Variants in RARB observed in about 807,000 individuals in gnomAD.
RARB encodes HBV-activated protein.
In RARB, 17 loss-of-function variants were observed where a neutral mutation model predicts 51.9. That is an observed-to-expected ratio of 0.33 (90% CI 0.22 to 0.49). The LOEUF is 0.49. RARB is among the 20% of genes least tolerant of loss of function. RARB has a pLI of 0.99. For missense variants in RARB, 369 were observed against 550.8 expected (o/e 0.67, Z 3.30); for synonymous variants, 215 against 195.4 (o/e 1.10, Z -0.84).
chr3:25,159,586 T>C (rs1700442395), intron 4 of RARB, among the ~76,000 whole-genome samples: 1 of 152,210 alleles, frequency 6.6e-6, no homozygotes. Context: ...TGATTTCTTA[T>C]ATGATCGTAC....
chr3:25,469,308 C>T (rs922527509), intron 2 of RARB, among the ~76,000 whole-genome samples: 1 of 152,160 alleles, frequency 6.6e-6, no homozygotes, highest in African/African-American at 2.4e-5. Context: ...TGACCAAGGC[C>T]ATTTAAAACC....
At chr3:25,029,560 CCTT>C (rs1697826287) in intron 2 of RARB, among the ~76,000 whole-genome samples, 1 of 152,124 alleles carries the variant, frequency 6.6e-6, no homozygotes, top group Admixed American at 6.5e-5. Context: ...CACTGATGAG[CCTT>C]CTTAGCTTTT....
chr3:25,170,222 T>C (rs2125351073), intron 4 of RARB, among the ~76,000 whole-genome samples: 1 of 152,296 alleles, frequency 6.6e-6, no homozygotes, highest in South Asian at 2.1e-4. Context: ...GCTGCTTTTG[T>C]GCCAAATTAG....
At chr3:25,308,787 T>C (rs1396864017) in intron 5 of RARB, among the ~76,000 whole-genome samples, 2 of 152,274 alleles carry the variant, frequency 1.3e-5, no homozygotes, top group South Asian at 4.1e-4. Flanking sequence ...TATTCCAATT[T>C]ACTTTTTTTG....
At chr3:24,992,757 A>T (rs1339349630) in intron 2 of RARB, among the ~76,000 whole-genome samples, 2 of 152,040 alleles carry the variant, frequency 1.3e-5, no homozygotes, top group Non-Finnish European at 2.9e-5. Flanking sequence ...CACCAGTCAG[A>T]TCCATTAGCG....
intron 2 of RARB, among the ~76,000 whole-genome samples, chr3:25,008,998 CA>C (rs1697336748): frequency 6.6e-6 from 1 of 152,106 alleles, no homozygotes; most frequent in Admixed American, 6.6e-5. Context: ...AAGTTAAAAG[CA>C]ATGAAATGAA....
chr3:25,078,138 T>C (rs1431226281), intron 3 of RARB, among the ~76,000 whole-genome samples: 3 of 152,190 alleles, frequency 2.0e-5, no homozygotes, highest in Admixed American at 6.5e-5. Context: ...AGAAGTTTTT[T>C]AATTTAATGA....
intron 3 of RARB, among the ~76,000 whole-genome samples, chr3:25,554,636 C>T (rs1699981879): frequency 6.6e-6 from 1 of 152,198 alleles, no homozygotes; most frequent in East Asian, 1.9e-4. Context: ...TCAACACCTC[C>T]AGTAACCCTC....
At chr3:25,212,721 A>T (rs888066461) in intron 5 of RARB, among the ~76,000 whole-genome samples, 1 of 151,432 alleles carries the variant, frequency 6.6e-6, no homozygotes, top group African/African-American at 2.4e-5. Context: ...TCTCCATCTG[A>T]TGCTATTTCC....
chr3:25,322,417 ATTGAC>A (rs1219310173), intron 5 of RARB, among the ~76,000 whole-genome samples: 3 of 152,220 alleles, frequency 2.0e-5, no homozygotes, highest in Non-Finnish European at 2.9e-5. Context: ...AAAGTAAAAT[ATTGAC>A]TTGACCACAA....
intron 5 of RARB, among the ~76,000 whole-genome samples, chr3:25,235,083 T>C (rs1702272349): frequency 6.6e-6 from 1 of 152,208 alleles, no homozygotes; most frequent in Non-Finnish European, 1.5e-5. Flanking sequence ...TTACTGTGCA[T>C]GATCACTACA....
intron 5 of RARB, among the ~76,000 whole-genome samples, chr3:25,341,657 A>G (rs1042852165): frequency 2.6e-5 from 4 of 152,110 alleles, no homozygotes; most frequent in Non-Finnish European, 4.4e-5. Context: ...CCCCAGGGAT[A>G]TTTGACTATG....
intron 5 of RARB, among the ~76,000 whole-genome samples, chr3:25,227,684 T>C (rs1702086650): frequency 6.6e-6 from 1 of 152,156 alleles, no homozygotes; most frequent in Non-Finnish European, 1.5e-5. Context: ...ATGGCATTTA[T>C]ACTCTTTTAT....
chr3:24,983,568 G>GC (rs1696721977), intron 2 of RARB, among the ~76,000 whole-genome samples: 1 of 152,030 alleles, frequency 6.6e-6, no homozygotes, highest in African/African-American at 2.4e-5. Flanking sequence ...GGTGTGTGGT[G>GC]CTCCCCTCCC....
At chr3:25,025,383 ATT>A (rs1210949888) in intron 2 of RARB, among the ~76,000 whole-genome samples, 4 of 152,296 alleles carry the variant, frequency 2.6e-5, no homozygotes, top group East Asian at 3.9e-4. Context: ...TAATGTCTAT[ATT>A]GTGTCAAACT....
chr3:24,897,436 G>A (rs1221765161), intron 2 of RARB, among the ~76,000 whole-genome samples: 6 of 151,946 alleles, frequency 3.9e-5, no homozygotes, highest in East Asian at 1.9e-4. Context: ...GATGGCTCCC[G>A]GACTGAAATA....
At chr3:24,937,098 C>T (rs1423815811) in intron 2 of RARB, among the ~76,000 whole-genome samples, 1 of 151,932 alleles carries the variant, frequency 6.6e-6, no homozygotes, top group Non-Finnish European at 1.5e-5. Context: ...AAGAATATCA[C>T]TTCAAAAAGT....
chr3:24,971,894 A>T (rs116807194), intron 2 of RARB, among the ~76,000 whole-genome samples: 1,815 of 152,110 alleles, frequency 0.012, 35 homozygotes, highest in African/African-American at 0.042. Context: ...TTATATTGAT[A>T]CATAATGGAT....
At chr3:25,215,777 G>A (rs1490695420) in intron 5 of RARB, among the ~76,000 whole-genome samples, 1 of 152,102 alleles carries the variant, frequency 6.6e-6, no homozygotes. Context: ...AAAATAAGAG[G>A]CCACCTGGGT....
Sources: allele counts gnomAD v4.1 joint callset (sites outside exome capture counted in the v4.1 genomes callset), GRCh38; gene constraint gnomAD v4.1.1; transcripts MANE v1.5; gene names NCBI Gene and HGNC (gene_info 2026-07-23, HGNC 2026-07-21).